Variants in DCTD observed in about 807,000 individuals in gnomAD.
The protein encoded by DCTD is dCMP deaminase, also known as deoxycytidylate deaminase.
A neutral mutation model predicts 21.0 loss-of-function variants in DCTD; 23 were observed. That is an observed-to-expected ratio of 1.09 (90% CI 0.79 to 1.55). The LOEUF is 1.55. Among genes scored for constraint, DCTD ranks in the 40% most tolerant of loss-of-function variants. DCTD has a pLI of 0.00. For missense variants in DCTD, 224 were observed against 230.0 expected, an observed-to-expected ratio of 0.97 and a Z score of 0.17; for synonymous variants, 71 against 81.1, an observed-to-expected ratio of 0.88 and a Z score of 0.67.
chr4:182,910,675 A>C (rs1174275675), intron 3 of DCTD, among the ~76,000 whole-genome samples: 1 of 152,176 alleles, frequency 6.6e-6, no homozygotes, highest in Non-Finnish European at 1.5e-5. Flanking sequence ...AATGTTACTG[A>C]CATCATATTA....
At chr4:182,907,503 G>A (rs1212927938) in intron 3 of DCTD, among the ~76,000 whole-genome samples, 1 of 152,126 alleles carries the variant, frequency 6.6e-6, no homozygotes, top group African/African-American at 2.4e-5. Context: ...CTGCATGTCT[G>A]TGGAGTAACC....
chr4:182,905,568 C>T (rs932121724), intron 3 of DCTD, among the ~76,000 whole-genome samples: 1 of 151,996 alleles, frequency 6.6e-6, no homozygotes, highest in Non-Finnish European at 1.5e-5. Flanking sequence ...ACCTCATGAT[C>T]TCCCCGCCTC....
chr4:182,916,445 G>T, intron 1 of DCTD: 1 of 985,612 alleles, frequency 1.0e-6, no homozygotes, highest in Non-Finnish European at 1.2e-6. Context: ...GAAAGGCGAG[G>T]AATGTGGTCT....
chr4:182,896,639 C>T (rs894880369), intron 3 of DCTD, among the ~76,000 whole-genome samples: 3 of 152,142 alleles, frequency 2.0e-5, no homozygotes, highest in Non-Finnish European at 4.4e-5. Context: ...CAAGGTATGG[C>T]CACATGTGCG....
chr4:182,914,133 G>A (rs1396558732), intron 3 of DCTD, among the ~76,000 whole-genome samples: 1 of 152,108 alleles, frequency 6.6e-6, no homozygotes, highest in Non-Finnish European at 1.5e-5. Flanking sequence ...TCAGCCTCCC[G>A]AGTAGCTGAG....
intron 5 of DCTD, among the ~76,000 whole-genome samples, chr4:182,892,627 C>A (rs76110351): frequency 1.3e-5 from 2 of 150,036 alleles, no homozygotes; most frequent in Non-Finnish European, 1.5e-5. Context: ...GACTCCGTCT[C>A]AAAAAAAAAA....
intron 3 of DCTD, among the ~76,000 whole-genome samples, chr4:182,906,625 C>T (rs765239655): frequency 4.6e-5 from 7 of 152,162 alleles, no homozygotes; most frequent in Admixed American, 6.5e-5. Context: ...ACAGGTGACT[C>T]GTTAGTACTT....
intron 3 of DCTD, among the ~76,000 whole-genome samples, chr4:182,904,621 C>G (rs17272827): frequency 0.27 from 40,602 of 151,994 alleles, 5,573 homozygotes; most frequent in Non-Finnish European, 0.31. Context: ...CCGCCCAACT[C>G]GAGATTCTCA....
chr4:182,915,807 C>A, intron 1 of DCTD: 1 of 1,078,332 alleles, frequency 9.3e-7, no homozygotes, highest in South Asian at 2.2e-5. Flanking sequence ...GCTTCACGTT[C>A]CCAAATATTT....
chr4:182,910,470 C>T (rs1737484243), intron 3 of DCTD, among the ~76,000 whole-genome samples: 1 of 152,026 alleles, frequency 6.6e-6, no homozygotes, highest in East Asian at 1.9e-4. Flanking sequence ...TAATGAATTC[C>T]ACAAAGAAAA....
chr4:182,897,310 A>C (rs1734910232), intron 3 of DCTD, among the ~76,000 whole-genome samples: 1 of 149,956 alleles, frequency 6.7e-6, no homozygotes, highest in Non-Finnish European at 1.5e-5. Flanking sequence ...ATATATATGA[A>C]TATTAATATT....
At chr4:182,915,735 T>C in intron 1 of DCTD, 160 bp from the exon 2 acceptor site, 1 of 732,000 alleles carries the variant, frequency 1.4e-6, no homozygotes, top group Non-Finnish European at 2.1e-6. Flanking sequence ...CTAAACAGTC[T>C]CTGGTCTTAA....
intron 3 of DCTD, among the ~76,000 whole-genome samples, chr4:182,898,891 A>C (rs1162197631): frequency 6.6e-6 from 1 of 152,252 alleles, no homozygotes; most frequent in African/African-American, 2.4e-5. Flanking sequence ...CAGTTCAATG[A>C]GTTACACCAG....
At position 182,891,730 on chromosome 4, in the gene DCTD, G is replaced by A. The variant is rs10017797; in HGVS notation, c.459-253C>T. 1.8e-4 allele frequency among the ~76,000 whole-genome samples: 27 copies of A among 152,232 alleles called. No individual in the cohort carries two copies. In the East Asian group the frequency reaches 4.8e-3, roughly 27 times the overall value. The stretch of plus-strand genomic sequence containing the variant: ...CTCTCTGAGTTCACGAATTATTGGG[G>A]AGTCAAAGGATTTCTAACAAGTCAG... On this transcript the variant is annotated intron_variant, in intron 5 of 5. Transcript: ENST00000438320.
intron 3 of DCTD, among the ~76,000 whole-genome samples, chr4:182,913,379 G>A (rs148849178): frequency 1.3e-5 from 2 of 152,332 alleles, no homozygotes; most frequent in African/African-American, 4.8e-5. Context: ...AACCCAGACT[G>A]CTTTGCAGTC....
At chr4:182,894,700 CAT>C in intron 3 of DCTD, 95 bp from the exon 4 acceptor site, 5 of 791,356 alleles carry the variant, frequency 6.3e-6, no homozygotes, top group Middle Eastern at 2.3e-4. Context: ...TCTGAAATAA[CAT>C]ATAACAGACT....
At chr4:182,897,034 T>C (rs568938044) in intron 3 of DCTD, among the ~76,000 whole-genome samples, 17 of 152,320 alleles carry the variant, frequency 1.1e-4, no homozygotes, top group African/African-American at 3.8e-4. Context: ...TGAAACACTA[T>C]GATAGCGTCC....
chr4:182,903,073 C>T (rs1445094618), intron 3 of DCTD, among the ~76,000 whole-genome samples: 6 of 152,122 alleles, frequency 3.9e-5, no homozygotes, highest in East Asian at 1.9e-4. Flanking sequence ...ATAGGAATAA[C>T]GACACCCGCC....
rs72553962 is a variant in DCTD at position 182,915,921 on chromosome 4, G to A, written c.-7-346C>T. ...AGCGGAGTCAGCACAGGAGGAGGGT[G>A]GAAAAAAGAAATATTTATTGATCAT... On this transcript the variant is annotated intron_variant, in intron 1 of 5. Transcript: ENST00000438320. 2.5e-3 allele frequency: 2,661 copies of A among 1,055,514 alleles called. 43 individuals are homozygous for A. In the African/African-American group the frequency reaches 0.041, roughly 16 times the overall value. The allele number at this position is 1,055,514 out of a possible 1,614,324, so 65.4% of individuals were successfully genotyped here.
Sources: allele counts gnomAD v4.1 joint callset (sites outside exome capture counted in the v4.1 genomes callset), GRCh38; gene constraint gnomAD v4.1.1; transcripts MANE v1.5; gene names NCBI Gene and HGNC (gene_info 2026-07-23, HGNC 2026-07-21).